ARHGAP10: variants seen among roughly 807,000 people sequenced by gnomAD.
ARHGAP10 encodes Rho GTPase activating protein 10, also known as rho GTPase-activating protein 10.
Under a neutral mutation model 108.6 loss-of-function variants are expected in ARHGAP10, and 87 were observed. The ratio of observed to expected loss-of-function variants is 0.80; its 90% CI spans 0.67 to 0.96. The LOEUF (loss-of-function observed/expected upper bound fraction) is 0.96, where lower values mean the gene tolerates loss of function less well. Among genes scored for constraint, ARHGAP10 ranks in the 40% least tolerant of loss-of-function variants. The pLI is 0.00. For missense variants in ARHGAP10, 939 were observed against 954.5 expected (o/e 0.98, Z 0.21); for synonymous variants, 347 against 341.1 (o/e 1.02, Z -0.19).
At chr4:147,922,045 C>T (rs970964411) in intron 13 of ARHGAP10, among the ~76,000 whole-genome samples, 8 of 152,180 alleles carry the variant, frequency 5.3e-5, no homozygotes, top group African/African-American at 1.9e-4. Flanking sequence ...GCACCTCCGA[C>T]ATCTCTCACT....
At chr4:148,002,395 C>T (rs932266980) in intron 18 of ARHGAP10, among the ~76,000 whole-genome samples, 15 of 152,260 alleles carry the variant, frequency 9.9e-5, no homozygotes, top group African/African-American at 3.4e-4. Flanking sequence ...GTCTCTCTGC[C>T]AGGCTTTGGT....
At chr4:147,909,593 C>G in intron 11 of ARHGAP10, 139 bp from the exon 12 acceptor site, 1 of 702,254 alleles carries the variant, frequency 1.4e-6, no homozygotes, top group Non-Finnish European at 2.4e-6. Context: ...GGGATGCAGA[C>G]CAATTTCTTA....
chr4:147,893,366 AC>A (rs1735863107), intron 10 of ARHGAP10, among the ~76,000 whole-genome samples: 1 of 151,078 alleles, frequency 6.6e-6, no homozygotes, highest in Admixed American at 6.6e-5. Flanking sequence ...CAGGAAGTAA[AC>A]TTTTTAAATG....
intron 11 of ARHGAP10, among the ~76,000 whole-genome samples, chr4:147,908,540 A>G (rs547629607): frequency 6.6e-6 from 1 of 152,326 alleles, no homozygotes; most frequent in East Asian, 1.9e-4. Flanking sequence ...TTATATGGGG[A>G]CACTGAAGGG....
chr4:147,989,917 T>A (rs1419189429), intron 18 of ARHGAP10, among the ~76,000 whole-genome samples: 2 of 152,356 alleles, frequency 1.3e-5, no homozygotes, highest in South Asian at 2.1e-4. Context: ...GTTTAGAGAT[T>A]GCAGTAAAGA....
intron 11 of ARHGAP10, among the ~76,000 whole-genome samples, chr4:147,907,744 A>C (rs765859627): frequency 7.2e-5 from 11 of 152,160 alleles, no homozygotes; most frequent in Non-Finnish European, 1.6e-4. Flanking sequence ...TATATTGGGG[A>C]ATGTATCACT....
At chr4:147,780,025 C>T (rs1730465238) in intron 1 of ARHGAP10, among the ~76,000 whole-genome samples, 1 of 152,120 alleles carries the variant, frequency 6.6e-6, no homozygotes, top group South Asian at 2.1e-4. Flanking sequence ...TTTAATTTTT[C>T]TGGAAGTTAC....
At chr4:147,829,305 AC>A (rs563693321) in intron 3 of ARHGAP10, among the ~76,000 whole-genome samples, 2 of 149,016 alleles carry the variant, frequency 1.3e-5, no homozygotes, top group East Asian at 2.0e-4. Context: ...TCCTGCCTCG[AC>A]CCCCCCATCG....
chr4:148,069,121 G>A (rs1730036510), intron 22 of ARHGAP10, among the ~76,000 whole-genome samples: 1 of 152,174 alleles, frequency 6.6e-6, no homozygotes, highest in African/African-American at 2.4e-5. Context: ...TAGGAGAGGA[G>A]CCCCAGATGG....
rs185118116 is a variant in ARHGAP10, at chr4:147,850,690, C to T, written c.384+3468C>T. ...CACTCACTGCGAGGGTCCGCGGCTT[C>T]GTTCTTGAATTCAGTGAGACCAAGA... On this transcript the variant is annotated intron_variant, in intron 4 of 22. Coordinates refer to ENST00000336498, the MANE Select transcript of ARHGAP10 (RefSeq NM_024605.4). 1.1e-3 allele frequency among the ~76,000 whole-genome samples: 165 copies of T among 152,274 alleles called. 1 individual carries two copies. The highest frequency in any genetic ancestry group is 9.8e-4 in the Non-Finnish European group (67 of 68,022).
chr4:147,752,398 T>G (rs1457568384), intron 1 of ARHGAP10, among the ~76,000 whole-genome samples: 1 of 152,218 alleles, frequency 6.6e-6, no homozygotes, highest in Non-Finnish European at 1.5e-5. Flanking sequence ...TCTGGAATAG[T>G]GGCTGTGCTA....
chr4:148,006,925 G>A (rs1269407336), intron 18 of ARHGAP10, among the ~76,000 whole-genome samples: 1 of 152,060 alleles, frequency 6.6e-6, no homozygotes, highest in Non-Finnish European at 1.5e-5. Context: ...GCTTATCAGT[G>A]GACCTTTGTG....
chr4:148,015,026 A>G (rs1280968210), intron 18 of ARHGAP10, among the ~76,000 whole-genome samples: 1 of 152,118 alleles, frequency 6.6e-6, no homozygotes, highest in Non-Finnish European at 1.5e-5. Flanking sequence ...CTGGCAGGGA[A>G]ATATCTCCTG....
chr4:147,964,415 C>T (rs1218334044), intron 16 of ARHGAP10, among the ~76,000 whole-genome samples: 1 of 152,202 alleles, frequency 6.6e-6, no homozygotes, highest in East Asian at 1.9e-4. Context: ...GGTGCTTCCC[C>T]ACGTGGCTGT....
intron 18 of ARHGAP10, among the ~76,000 whole-genome samples, chr4:147,985,000 T>C (rs1344987381): frequency 6.6e-6 from 1 of 152,122 alleles, no homozygotes; most frequent in African/African-American, 2.4e-5. Context: ...ACTAGGCACA[T>C]AGAGATGTGC....
chr4:148,040,788 T>A (rs564888711), intron 19 of ARHGAP10, among the ~76,000 whole-genome samples: 2 of 151,206 alleles, frequency 1.3e-5, no homozygotes, highest in East Asian at 1.9e-4. Flanking sequence ...AGGGAAGTTA[T>A]GTATTTTTAT....
At chr4:147,788,196 C>T (rs1169334604) in intron 1 of ARHGAP10, among the ~76,000 whole-genome samples, 1 of 152,010 alleles carries the variant, frequency 6.6e-6, no homozygotes, top group Admixed American at 6.6e-5. Context: ...CGTGTAATCC[C>T]AGCACTTTGG....
chr4:147,939,965 A>T, intron 14 of ARHGAP10, 66 bp downstream of exon 14: 1 of 1,352,966 alleles, frequency 7.4e-7, no homozygotes, highest in Non-Finnish European at 1.0e-6. Context: ...TCACAGCTTA[A>T]TATTTCATAA....
intron 16 of ARHGAP10, among the ~76,000 whole-genome samples, chr4:147,964,038 A>G (rs1739106351): frequency 1.3e-5 from 2 of 152,084 alleles, no homozygotes; most frequent in African/African-American, 4.8e-5. Context: ...TTTTATTCTG[A>G]TGTTTTGACA....
Sources: gnomAD v4.1 joint callset for allele counts (sites outside exome capture counted in the v4.1 genomes callset) on GRCh38, gnomAD v4.1.1 for gene constraint, MANE v1.5 for transcripts, NCBI Gene and HGNC (gene_info 2026-07-23, HGNC 2026-07-21) for gene names.